Variants in XKR4 observed in about 807,000 individuals in gnomAD.
XKR4 encodes the protein XK related 4, also known as XK-related protein 4.
XKR4 carries 12 observed loss-of-function variants against 53.9 expected under a neutral mutation model. The observed-to-expected ratio is 0.22, with a 90% confidence interval of 0.14 to 0.36. The LOEUF (loss-of-function observed/expected upper bound fraction) is 0.36, where lower values mean the gene tolerates loss of function less well. XKR4 is among the 10% of genes least tolerant of loss of function. The pLI is 1.00. For missense variants in XKR4, 799 were observed against 859.5 expected, an observed-to-expected ratio of 0.93 and a Z score of 0.88; for synonymous variants, 354 against 362.4, an observed-to-expected ratio of 0.98 and a Z score of 0.26.
At chr8:55,436,350 G>T (rs1188756541) in intron 2 of XKR4, among the ~76,000 whole-genome samples, 1 of 152,152 alleles carries the variant, frequency 6.6e-6, no homozygotes, top group African/African-American at 2.4e-5. Context: ...TCTCTGCTAA[G>T]AATAGTCTGC....
chr8:55,299,404 C>A (rs1054813058), intron 1 of XKR4, among the ~76,000 whole-genome samples: 2 of 152,150 alleles, frequency 1.3e-5, no homozygotes, highest in Non-Finnish European at 2.9e-5. Flanking sequence ...AACAGTGAGA[C>A]CAGGCAGGCC....
At chr8:55,264,664 G>A (rs1818573694) in intron 1 of XKR4, among the ~76,000 whole-genome samples, 1 of 152,182 alleles carries the variant, frequency 6.6e-6, no homozygotes, top group African/African-American at 2.4e-5. Context: ...ATACTTTCAT[G>A]GTTTGCAAGT....
At chr8:55,209,444 C>A (rs768264310) in intron 1 of XKR4, among the ~76,000 whole-genome samples, 35 of 152,118 alleles carry the variant, frequency 2.3e-4, no homozygotes, top group Non-Finnish European at 4.6e-4. Context: ...ACTCCAGAGC[C>A]CGTGCGCTTA....
chr8:55,165,222 A>G (rs1211515836), intron 1 of XKR4, among the ~76,000 whole-genome samples: 2 of 152,196 alleles, frequency 1.3e-5, no homozygotes, highest in Non-Finnish European at 2.9e-5. Context: ...GACTAATGAC[A>G]TGTTAGAGGT....
intron 1 of XKR4, among the ~76,000 whole-genome samples, chr8:55,279,197 T>G (rs1818804132): frequency 2.0e-5 from 3 of 152,172 alleles, no homozygotes; most frequent in Non-Finnish European, 4.4e-5. Flanking sequence ...TGACGTAGGT[T>G]GGGGAAGTGT....
rs1212854092 is a variant in XKR4 at position 55,530,097 on chromosome 8, TAG to T, written c.*5879_*5880del. 7.2e-6 allele frequency: 1 copy of T among 139,072 alleles called. No individual in the cohort carries two copies. Among genetic ancestry groups the T allele is most frequent in the African/African-American group, 2.7e-5 (1 of 36,810 alleles). The allele number at this position is 139,072 out of a possible 1,614,324, so 8.6% of individuals were successfully genotyped here. ...TACTTACTTTGGCATTTTGACAAGATAGAGAGAGAGGAAAAGAAAGAGGGAGG... is the reference window on the plus strand; with the variant it reads ...TACTTACTTTGGCATTTTGACAAGATAGAGAGAGGAAAAGAAAGAGGGAGG... On this transcript the variant is annotated 3_prime_UTR_variant, in exon 3 of 3. Coordinates refer to ENST00000327381, the MANE Select transcript of XKR4 (RefSeq NM_052898.2).
rs540400303 is a variant in XKR4 at position 55,369,459 on chromosome 8, G to A, written c.1006+11582G>A. On this transcript the variant is annotated intron_variant, in intron 2 of 2. Transcript: ENST00000327381. Reference sequence around the variant, plus strand: ...GGGAAGGGAAAGGAGGAACGGGAGGGAAAGGGAGAGGAGGGGAGGACAGAG... The same window carrying A: ...GGGAAGGGAAAGGAGGAACGGGAGGAAAAGGGAGAGGAGGGGAGGACAGAG... 2.5e-4 allele frequency among the ~76,000 whole-genome samples: 34 copies of A among 137,664 alleles called. 1 individual carries two copies. The highest frequency in any genetic ancestry group is 9.2e-4 in the African/African-American group (33 of 35,826). The allele number at this position is 137,664 out of a possible 152,430, so 90.3% of individuals were successfully genotyped here. A position where few individuals can be genotyped will look rare whatever the true frequency, so the allele number is the denominator to read the frequency against.
chr8:55,426,939 A>G (rs1805024801), intron 2 of XKR4, among the ~76,000 whole-genome samples: 1 of 152,256 alleles, frequency 6.6e-6, no homozygotes, highest in South Asian at 2.1e-4. Context: ...TGATGTAATA[A>G]CATTGTGGAA....
rs573034211 is a variant in XKR4, at chr8:55,384,275, T to G, written c.1006+26398T>G. Among the ~76,000 whole-genome samples the G allele has an allele frequency of 3.9e-5, 6 of 152,268 alleles. No individual in the cohort carries two copies. The South Asian group carries it at 1.2e-3, about 32-fold the overall frequency. On this transcript the variant is annotated intron_variant, in intron 2 of 2. Coordinates refer to ENST00000327381, the MANE Select transcript of XKR4 (RefSeq NM_052898.2). ...GTCTTCCTTCAGGCAGGAAAAGGCA[T>G]GAGCAAAACCAGGAAAAACATTTTT...
chr8:55,309,437 T>C (rs1819358088), intron 1 of XKR4, among the ~76,000 whole-genome samples: 1 of 152,200 alleles, frequency 6.6e-6, no homozygotes, highest in Non-Finnish European at 1.5e-5. Context: ...TGAGAGGGAA[T>C]AGATGTCATT....
chr8:55,272,101 T>C (rs1441749075), intron 1 of XKR4, among the ~76,000 whole-genome samples: 1 of 152,102 alleles, frequency 6.6e-6, no homozygotes, highest in Admixed American at 6.5e-5. Context: ...CACAAGTGTT[T>C]AGGGAGAGTT....
chr8:55,443,636 G>T (rs1210609144), intron 2 of XKR4, among the ~76,000 whole-genome samples: 2 of 148,970 alleles, frequency 1.3e-5, no homozygotes, highest in Non-Finnish European at 3.0e-5. Context: ...GAGGTCAGGA[G>T]ATCGAAACCA....
intron 1 of XKR4, among the ~76,000 whole-genome samples, chr8:55,264,005 C>T (rs4562295): frequency 0.33 from 50,419 of 152,158 alleles, 10,116 homozygotes; most frequent in Middle Eastern, 0.45. Context: ...CCATCCAGAA[C>T]AGGACCCATG....
At chr8:55,281,349 G>A (rs753259692) in intron 1 of XKR4, among the ~76,000 whole-genome samples, 71 of 152,132 alleles carry the variant, frequency 4.7e-4, no homozygotes, top group Non-Finnish European at 6.6e-4. Context: ...TTTAAGAGAG[G>A]TTGGTTTTGT....
At chr8:55,487,489 A>C (rs1240016084) in intron 2 of XKR4, among the ~76,000 whole-genome samples, 1 of 149,258 alleles carries the variant, frequency 6.7e-6, no homozygotes, top group Non-Finnish European at 1.5e-5. Flanking sequence ...TTCTTGAGAC[A>C]GAGTCTTACT....
At chr8:55,226,208 C>A (rs1297842133) in intron 1 of XKR4, among the ~76,000 whole-genome samples, 1 of 152,144 alleles carries the variant, frequency 6.6e-6, no homozygotes, top group Non-Finnish European at 1.5e-5. Context: ...TTTGAAGATT[C>A]ATGAAAGGAA....
chr8:55,524,520 T>C lies in XKR4; in HGVS notation c.*293T>C, dbSNP rs1806854614. ...GGGTGCACCCACCAGAGGGTACTAC[T>C]ATTATGGAAAAATTTTGCCTCCAAT... On this transcript the variant is annotated 3_prime_UTR_variant, in exon 3 of 3. Coordinates refer to ENST00000327381, the MANE Select transcript of XKR4 (RefSeq NM_052898.2). The C allele has an allele frequency of 2.6e-6, 1 of 382,162 alleles. No homozygotes were observed. 23.7% of individuals were successfully genotyped at this position (382,162 alleles called of 1,614,324 possible). A position where few individuals can be genotyped will look rare whatever the true frequency, so the allele number is the denominator to read the frequency against.
chr8:55,139,402 C>T (rs982190353), intron 1 of XKR4, among the ~76,000 whole-genome samples: 5 of 150,944 alleles, frequency 3.3e-5, no homozygotes, highest in East Asian at 2.0e-4. Flanking sequence ...GATGCGGTGG[C>T]GGCAGGCCCC....
intron 1 of XKR4, among the ~76,000 whole-genome samples, chr8:55,224,366 T>G (rs1817925046): frequency 6.6e-6 from 1 of 152,192 alleles, no homozygotes; most frequent in Non-Finnish European, 1.5e-5. Flanking sequence ...TACCTTTCAT[T>G]GAAGCAATTT....
Sources: gnomAD v4.1 joint callset for allele counts (sites outside exome capture counted in the v4.1 genomes callset) on GRCh38, gnomAD v4.1.1 for gene constraint, MANE v1.5 for transcripts, NCBI Gene and HGNC (gene_info 2026-07-23, HGNC 2026-07-21) for gene names.